The following ME3 variants were observed in gnomAD, a reference collection of about 807,000 sequenced individuals.
ME3 encodes the protein malic enzyme 3, also known as NADP-dependent malic enzyme, mitochondrial.
ME3 carries 48 observed loss-of-function variants against 68.9 expected under a neutral mutation model. That is an observed-to-expected ratio of 0.70 (90% confidence interval 0.55 to 0.89). ME3 has a LOEUF of 0.89. Among genes scored for constraint, ME3 ranks in the 40% least tolerant of loss-of-function variants. ME3 has a pLI of 0.00. For missense variants in ME3, 675 were observed against 797.4 expected, an observed-to-expected ratio of 0.85 and a Z score of 1.85; for synonymous variants, 320 against 318.8, an observed-to-expected ratio of 1.00 and a Z score of -0.04.
At chr11:86,618,222 C>A (rs567206884) in intron 2 of ME3, among the ~76,000 whole-genome samples, 1 of 137,864 alleles carries the variant, frequency 7.3e-6, no homozygotes, top group East Asian at 2.1e-4. Context: ...ATAACCTGAG[C>A]CTGGGAGGTG....
intron 4 of ME3, among the ~76,000 whole-genome samples, chr11:86,541,338 A>C (rs969488580): frequency 6.6e-6 from 1 of 152,244 alleles, no homozygotes. Context: ...CCAGGGAGCC[A>C]AGTGGTCTAG....
chr11:86,548,526 A>G (rs917591809), intron 4 of ME3, among the ~76,000 whole-genome samples: 2 of 152,240 alleles, frequency 1.3e-5, no homozygotes, highest in Non-Finnish European at 2.9e-5. Flanking sequence ...TTTGTGAATC[A>G]GAGCTCTCAG....
intron 2 of ME3, among the ~76,000 whole-genome samples, chr11:86,607,705 T>TA (rs901240456): frequency 2.7e-5 from 1 of 37,514 alleles, no homozygotes; most frequent in Admixed American, 3.4e-4. Context: ...GTGTTTTTTT[T>TA]AAAAGAAATA....
intron 2 of ME3, among the ~76,000 whole-genome samples, chr11:86,583,040 A>G (rs1164952673): frequency 1.3e-5 from 2 of 152,102 alleles, no homozygotes; most frequent in Admixed American, 1.3e-4. Flanking sequence ...AAGCATTTTT[A>G]TGGCTGAAAG....
intron 11 of ME3, among the ~76,000 whole-genome samples, chr11:86,447,899 A>G (rs576043465): frequency 6.6e-6 from 1 of 150,956 alleles, no homozygotes; most frequent in Admixed American, 6.6e-5. Flanking sequence ...AGAGAGAGAG[A>G]CAGACTAGCC....
At chr11:86,528,299 A>G (rs1016535734) in intron 4 of ME3, among the ~76,000 whole-genome samples, 3 of 152,184 alleles carry the variant, frequency 2.0e-5, no homozygotes, top group African/African-American at 4.8e-5. Flanking sequence ...TCAACAAGAA[A>G]AGCTAACTAT....
intron 2 of ME3, among the ~76,000 whole-genome samples, chr11:86,565,674 A>T (rs1248475927): frequency 1.3e-5 from 2 of 152,250 alleles, no homozygotes; most frequent in African/African-American, 2.4e-5. Flanking sequence ...AAATTATATT[A>T]AAAACTTTTT....
At chr11:86,665,674 G>A (rs998799291) in intron 2 of ME3, among the ~76,000 whole-genome samples, 2 of 152,204 alleles carry the variant, frequency 1.3e-5, no homozygotes, top group East Asian at 3.8e-4. Context: ...AGGCGCTAAA[G>A]GGAAAGAGGA....
chr11:86,534,091 A>G (rs761454205), intron 4 of ME3, among the ~76,000 whole-genome samples: 8,490 of 60,320 alleles, frequency 0.14, 375 homozygotes, highest in South Asian at 0.25. Context: ...GTATATATAT[A>G]TATATATATA....
chr11:86,636,593 TG>T (rs1944348271), intron 2 of ME3, among the ~76,000 whole-genome samples: 1 of 152,220 alleles, frequency 6.6e-6, no homozygotes, highest in Non-Finnish European at 1.5e-5. Context: ...TCTAACAACC[TG>T]GTGATGTTTC....
At chr11:86,507,488 G>C (rs1953172614) in intron 5 of ME3, among the ~76,000 whole-genome samples, 1 of 96,968 alleles carries the variant, frequency 1.0e-5, no homozygotes, top group African/African-American at 3.3e-5. Flanking sequence ...CCCCTCCCCA[G>C]CTCAGGTGCC....
intron 2 of ME3, among the ~76,000 whole-genome samples, chr11:86,656,900 A>G (rs574877715): frequency 6.6e-6 from 1 of 152,294 alleles, no homozygotes; most frequent in African/African-American, 2.4e-5. Flanking sequence ...GAGCAATGCA[A>G]AGTAAAACTA....
At chr11:86,547,239 CAAA>C (rs1169843852) in intron 4 of ME3, among the ~76,000 whole-genome samples, 4 of 46,000 alleles carry the variant, frequency 8.7e-5, no homozygotes, top group African/African-American at 2.4e-4. Flanking sequence ...GACTCCATCT[CAAA>C]AAAAAAAAAA....
At chr11:86,595,320 G>T (rs200479853) in intron 2 of ME3, among the ~76,000 whole-genome samples, 1 of 138,642 alleles carries the variant, frequency 7.2e-6, no homozygotes, top group African/African-American at 2.7e-5. Context: ...GAGAGAGAGA[G>T]AGAGAGAGAG....
intron 2 of ME3, among the ~76,000 whole-genome samples, chr11:86,619,801 T>C (rs1943230839): frequency 1.3e-5 from 2 of 152,248 alleles, no homozygotes; most frequent in Non-Finnish European, 2.9e-5. Context: ...GTCAACATGA[T>C]ACCTTTTAGA....
At chr11:86,569,472 C>G (rs945741186) in intron 2 of ME3, among the ~76,000 whole-genome samples, 1 of 152,188 alleles carries the variant, frequency 6.6e-6, no homozygotes, top group Admixed American at 6.5e-5. Flanking sequence ...CAGCTCTCCC[C>G]CTTCTCTCAG....
At chr11:86,463,385 AGGGCCAAG>A (rs1950325936) in intron 8 of ME3, among the ~76,000 whole-genome samples, 2 of 152,206 alleles carry the variant, frequency 1.3e-5, no homozygotes, top group Admixed American at 1.3e-4. Flanking sequence ...GTGCTTCCTC[AGGGCCAAG>A]GCACACTCCC....
chr11:86,556,385 T>C (rs929777786), intron 4 of ME3, among the ~76,000 whole-genome samples, 168 bp downstream of exon 4: 1 of 150,618 alleles, frequency 6.6e-6, no homozygotes, highest in African/African-American at 2.5e-5. Context: ...TTTCTCTGCT[T>C]ACGGGGTCAT....
intron 2 of ME3, among the ~76,000 whole-genome samples, chr11:86,578,681 A>G (rs976615719): frequency 6.6e-6 from 1 of 152,190 alleles, no homozygotes; most frequent in Non-Finnish European, 1.5e-5. Flanking sequence ...AAAGTGGACC[A>G]TTGTGGTGCA....
Sources: gnomAD v4.1 joint callset for allele counts (sites outside exome capture counted in the v4.1 genomes callset) on GRCh38, gnomAD v4.1.1 for gene constraint, MANE v1.5 for transcripts, NCBI Gene and HGNC (gene_info 2026-07-23, HGNC 2026-07-21) for gene names.